MLLT6: variants seen among roughly 807,000 people sequenced by gnomAD.
The protein encoded by MLLT6 is MLLT6, PHD finger containing, also known as protein AF-17.
MLLT6 carries 22 observed loss-of-function variants against 103.0 expected under a neutral mutation model. That is an observed-to-expected ratio of 0.21 (90% confidence interval 0.15 to 0.31). MLLT6 has a LOEUF of 0.31. Ranked by LOEUF, MLLT6 falls within the 10% of genes least tolerant of loss-of-function variation. MLLT6 has a pLI of 1.00. For missense variants in MLLT6, 1,199 were observed against 1,441.7 expected (o/e 0.83, Z 2.73); for synonymous variants, 606 against 623.5 (o/e 0.97, Z 0.42).
intron 13 of MLLT6, 70 bp from the exon 14 acceptor site, chr17:38,719,680 G>A (rs772857764): frequency 6.3e-7 from 1 of 1,575,350 alleles, no homozygotes; most frequent in South Asian, 1.2e-5. Context: ...ACCCCTGGGG[G>A]ATACGGGAGA....
chr17:38,725,295 A>G (rs1005957425), intron 19 of MLLT6: 29 of 541,146 alleles, frequency 5.4e-5, no homozygotes, highest in African/African-American at 3.9e-4. Context: ...GGGTAGGCCA[A>G]TGTCAGAAAG....
Position 38,716,188 on chromosome 17 carries a change from G to A in MLLT6, c.1037-179G>A, listed in dbSNP as rs1905334900. ...GTTACTCTCCCCCATTTTATTACAG[G>A]TGGGAAAGCTGGAGGGGTCGGGGGT... On this transcript the variant is annotated intron_variant, in intron 9 of 19. Transcript: ENST00000621332. The surrounding 1 kb of genome is among the most constrained non-coding windows in gnomAD (Gnocchi z 5.6). 6.2e-6 allele frequency: 4 copies of A among 646,108 alleles called. No homozygotes were observed. The highest frequency in any genetic ancestry group is 2.8e-5 in the East Asian group (1 of 36,114). 40.0% of individuals were successfully genotyped at this position (646,108 alleles called of 1,614,324 possible).
chr17:38,709,384 G>C lies in MLLT6; in HGVS notation c.459-98G>C. The C allele has an allele frequency of 7.1e-7, 1 of 1,413,114 alleles. No homozygotes were observed. The highest frequency in any genetic ancestry group is 1.8e-4 in the Middle Eastern group (1 of 5,646). The allele number at this position is 1,413,114 out of a possible 1,614,324, so 87.5% of individuals were successfully genotyped here. The stretch of plus-strand genomic sequence containing the variant: ...TGATGGTGGTGGCAATGCTTTGGAT[G>C]GTCTTGGCTTCGCCTCAGCAGGGGG... On this transcript the variant is annotated intron_variant, in intron 5 of 19. Coordinates refer to ENST00000621332, the MANE Select transcript of MLLT6 (RefSeq NM_005937.4). The surrounding 1 kb of genome is among the most constrained non-coding windows in gnomAD (Gnocchi z 4.3).
intron 1 of MLLT6, 50 bp from the exon 2 acceptor site, chr17:38,706,900 A>G: frequency 6.5e-7 from 1 of 1,533,222 alleles, no homozygotes; most frequent in East Asian, 2.3e-5. Context: ...ACCCTGGGAA[A>G]AAGCCACTGG....
intron 18 of MLLT6, among the ~76,000 whole-genome samples, chr17:38,723,768 G>A (rs1187249985): frequency 6.7e-6 from 1 of 148,394 alleles, no homozygotes; most frequent in Admixed American, 6.7e-5. Flanking sequence ...TTGAGACAGA[G>A]TTTCACTCTT....
chr17:38,707,335 A>G (rs1011283231), intron 2 of MLLT6, 151 bp from the exon 3 acceptor site: 11 of 680,598 alleles, frequency 1.6e-5, no homozygotes, highest in Non-Finnish European at 2.5e-5. Context: ...CTCATTTTCA[A>G]CAGTTACCAA....
chr17:38,720,822 C>A, intron 16 of MLLT6, 75 bp downstream of exon 16: 1 of 1,305,834 alleles, frequency 7.7e-7, no homozygotes, highest in Non-Finnish European at 1.1e-6. Context: ...TTCCCCGCAG[C>A]TATTGGAGGC....
chr17:38,718,924 G>GT (rs1555623198), intron 12 of MLLT6: 2 of 156,542 alleles, frequency 1.3e-5, no homozygotes, highest in Non-Finnish European at 2.8e-5. Flanking sequence ...GAACGACAGA[G>GT]TAGGGTGATA....
rs542381244 is a variant in MLLT6, at chr17:38,706,896, G to A, written c.110-54G>A. On this transcript the variant is annotated intron_variant, in intron 1 of 19. Transcript: ENST00000621332. ...TCACCGCCTTCCCCCAGTTACCCTG[G>A]GAAAAAGCCACTGGCTGACAGCTTT... 128 of 1,516,240 alleles carry A rather than the reference G, an allele frequency of 8.4e-5. 1 individual carries two copies. The African/African-American group carries it at 1.4e-3, about 17-fold the overall frequency. 93.9% of individuals were successfully genotyped at this position (1,516,240 alleles called of 1,614,324 possible).
rs1422339559 is a variant in MLLT6, at chr17:38,719,753, C to A, written c.2013C>A (p.Ser671=). The A allele has an allele frequency of 6.2e-7, 1 of 1,608,430 alleles. No homozygotes were observed. Among genetic ancestry groups the A allele is most frequent in the Non-Finnish European group, 8.5e-7 (1 of 1,176,410 alleles). ...CCCAGGTTCCCTCTGGCCGCAGGTC[C>A]CCCATCAGCAGCCTCCCCGCACTCT... is the stretch of plus-strand genomic sequence containing the variant. ...TSPQESLSSM[S]PISSLPALFD... is the part of the protein sequence containing the mutation. Residue 671 remains serine, a synonymous_variant, in exon 14 of 20, where the codon TCC becomes TCA. Transcript: ENST00000621332.
chr17:38,715,628 C>T lies in MLLT6; in HGVS notation c.836C>T (p.Ser279Phe). Reference sequence around the variant, plus strand: ...CTCCTTCAGGTCTCCTCCTCGGCTTCCTCTTCCTCCCACCACGAGGCCAGC... The same window carrying T: ...CTCCTTCAGGTCTCCTCCTCGGCTTTCTCTTCCTCCCACCACGAGGCCAGC... Reference protein sequence around the residue: ...PTADKVSSSASSSSHHEASTQ... With the variant: ...PTADKVSSSAFSSSHHEASTQ... The change falls in exon 9 of 20, where the codon TCC becomes TTC. Residue 279 changes from serine (S) to phenylalanine (F), a missense_variant. Physicochemically the swap from Ser to Phe is radical, Grantham distance 155 (BLOSUM62 -2). Coordinates refer to ENST00000621332, the MANE Select transcript of MLLT6 (RefSeq NM_005937.4). 1.2e-6 allele frequency: 2 copies of T among 1,613,270 alleles called. No individual in the cohort carries two copies. The highest frequency in any genetic ancestry group is 1.3e-5 in the African/African-American group (1 of 75,026).
Position 38,724,658 on chromosome 17 carries a change from C to G in MLLT6, c.2922C>G (p.Ile974Met), listed in dbSNP as rs749857822. 1.2e-5 allele frequency: 20 copies of G among 1,610,274 alleles called. No homozygotes were observed. The highest frequency in any genetic ancestry group is 5.5e-5 in the South Asian group (5 of 90,798). The change falls in exon 19 of 20, where the codon ATC becomes ATG. Residue 974 changes from isoleucine (I) to methionine (M), a missense_variant. Ile to Met is a conservative substitution (Grantham distance 10). Coordinates refer to ENST00000621332, the MANE Select transcript of MLLT6 (RefSeq NM_005937.4). The surrounding 1 kb of genome is among the most constrained non-coding windows in gnomAD (Gnocchi z 5.4). ...QTVVYQMIQQIQQKRELQRLQ... is the reference protein window; with the variant it reads ...QTVVYQMIQQMQQKRELQRLQ... ...TTGTCTACCAGATGATCCAGCAGAT[C>G]CAGCAGAAACGGGAGCTGCAGCGCC... is the stretch of plus-strand genomic sequence containing the variant.
rs143305642 is a variant in MLLT6, at chr17:38,727,801, G to GA, written c.*2212dup. 0.013 allele frequency: 2,838 copies of GA among 225,268 alleles called. 70 individuals are homozygous for GA. The highest frequency in any genetic ancestry group is 0.055 in the African/African-American group (2,466 of 44,632). The allele number at this position is 225,268 out of a possible 1,614,324, so 14.0% of individuals were successfully genotyped here. On this transcript the variant is annotated 3_prime_UTR_variant, in exon 20 of 20. Coordinates refer to ENST00000621332, the MANE Select transcript of MLLT6 (RefSeq NM_005937.4). ...GAGAGTGAGACTCTGTCTCAAAAGA[G>GA]AAAAAAAAAGAAAAGTAACCTTCAG...
chr17:38,720,136 G>T (rs1271131798), intron 14 of MLLT6: 4 of 696,842 alleles, frequency 5.7e-6, no homozygotes, highest in Non-Finnish European at 9.4e-6. Context: ...CGCAACTTCC[G>T]CCCTTCTCTC....
At position 38,728,802 on chromosome 17, in the gene MLLT6, A is replaced by T. The variant is rs377178406; in HGVS notation, c.*3204A>T. 10 of 234,148 alleles carry T rather than the reference A, an allele frequency of 4.3e-5. No homozygotes were observed. Among genetic ancestry groups the T allele is most frequent in the African/African-American group, 2.0e-4 (9 of 45,484 alleles). The allele number at this position is 234,148 out of a possible 1,614,324, so 14.5% of individuals were successfully genotyped here. A position where few individuals can be genotyped will look rare whatever the true frequency, so the allele number is the denominator to read the frequency against. On this transcript the variant is annotated 3_prime_UTR_variant, in exon 20 of 20. Transcript: ENST00000621332. ...TGTGTGTGACACACGGTGTGAGTGC[A>T]GGGCTGTGCCCGGGGTGGGAGGGTG...
chr17:38,715,815 C>T lies in MLLT6; in HGVS notation c.1023C>T (p.Pro341=), dbSNP rs1304758097. 2.5e-6 allele frequency: 4 copies of T among 1,594,884 alleles called. No individual in the cohort carries two copies. The highest frequency in any genetic ancestry group is 3.4e-6 in the Non-Finnish European group (4 of 1,170,214). The stretch of plus-strand genomic sequence containing the variant: ...CCTCTTCCTCCTCCTCTGGGGGGCC[C>T]TTCCAGCCTGCAGGTGAGTGTGGGC... ...SSSSSSSSGG[P]FQPAVSSLQS... The change falls in exon 9 of 20, where the codon CCC becomes CCT. Residue 341 remains proline, a synonymous_variant. Coordinates refer to ENST00000621332, the MANE Select transcript of MLLT6 (RefSeq NM_005937.4).
In MLLT6 at chr17:38,729,740, G is replaced by T; in HGVS notation, c.*4142G>T. 1 of 200,274 alleles carries T rather than the reference G, an allele frequency of 5.0e-6. No individual in the cohort carries two copies. The highest frequency in any genetic ancestry group is 1.0e-5 in the Non-Finnish European group (1 of 98,532). 12.4% of individuals were successfully genotyped at this position (200,274 alleles called of 1,614,324 possible). The stretch of plus-strand genomic sequence containing the variant: ...ATGTTATTTGTACGAAGGGCAGTTC[G>T]TAAACAGCACTTGTTCTTTTAATAA... On this transcript the variant is annotated 3_prime_UTR_variant, in exon 20 of 20. Transcript: ENST00000621332.
chr17:38,719,620 C>T (rs766879275), intron 13 of MLLT6, 37 bp downstream of exon 13: 20 of 1,579,758 alleles, frequency 1.3e-5, no homozygotes, highest in East Asian at 6.8e-5. Context: ...GGGCTGGGGG[C>T]AGGAGGGACA....
At position 38,716,640 on chromosome 17, in the gene MLLT6, C is replaced by A. The variant is rs1679939469; in HGVS notation, c.1310C>A (p.Ala437Asp). 1.2e-6 allele frequency: 2 copies of A among 1,613,784 alleles called. No homozygotes were observed. Among genetic ancestry groups the A allele is most frequent in the Non-Finnish European group, 1.7e-6 (2 of 1,179,952 alleles). The change falls in exon 10 of 20, where the codon GCC (alanine) becomes GAC (aspartate). Residue 437 changes from alanine to aspartate, a missense_variant. Physicochemically the swap from Ala to Asp is moderately radical, Grantham distance 126. Coordinates refer to ENST00000621332, the MANE Select transcript of MLLT6 (RefSeq NM_005937.4). The surrounding 1 kb of genome is among the most constrained non-coding windows in gnomAD (Gnocchi z 5.6). ...YKSPHVTGSG[A>D]SAGTHKRMPA... ...TCTCCCCACGTCACGGGGTCTGGGG[C>A]CTCGGCAGGCACCCACAAACGGATG...
Sources: gnomAD v4.1 joint callset for allele counts (sites outside exome capture counted in the v4.1 genomes callset) on GRCh38, gnomAD v4.1.1 for gene constraint, Gnocchi (gnomAD v3.1) non-coding constraint, MANE v1.5 for transcripts, NCBI Gene and HGNC (gene_info 2026-07-23, HGNC 2026-07-21) for gene names.